Variants in STARD10 observed in about 807,000 individuals in gnomAD.
STARD10 encodes StAR related lipid transfer domain containing 10.
STARD10 carries 24 observed loss-of-function variants against 36.0 expected under a neutral mutation model. That is an observed-to-expected ratio of 0.67 (90% CI 0.48 to 0.94). STARD10 has a LOEUF of 0.94. Among genes scored for constraint, STARD10 ranks in the 40% least tolerant of loss-of-function variants. The pLI is 0.00. For missense variants in STARD10, 335 were observed against 396.6 expected (o/e 0.84, Z 1.32); for synonymous variants, 156 against 161.9 (o/e 0.96, Z 0.28).
intron 2 of STARD10, among the ~76,000 whole-genome samples, chr11:72,764,623 G>A (rs1236643765): frequency 6.6e-6 from 1 of 152,234 alleles, no homozygotes; most frequent in African/African-American, 2.4e-5. Context: ...CTAAGCAGAA[G>A]AAATTACACC....
Position 72,758,643 on chromosome 11 carries a change from G to A in STARD10, c.356-10C>T. The stretch of plus-strand genomic sequence containing the variant: ...GGCTTGGGACACCTCCCTGTGGGGG[G>A]CAAGGGACAGTTCAGCCAGACCACT... On this transcript the variant is annotated splice_polypyrimidine_tract_variant and intron_variant, in intron 3 of 6. Transcript: ENST00000334805. The A allele has an allele frequency of 6.2e-7, 1 of 1,602,604 alleles. No individual in the cohort carries two copies. The highest frequency in any genetic ancestry group is 8.5e-7 in the Non-Finnish European group (1 of 1,170,768).
Position 72,754,798 on chromosome 11 carries a change from T to C in STARD10, c.*99A>G, listed in dbSNP as rs1036528074. 7 of 1,493,654 alleles carry C rather than the reference T, an allele frequency of 4.7e-6. No individual in the cohort carries two copies. The highest frequency in any genetic ancestry group is 6.3e-6 in the Non-Finnish European group (7 of 1,113,614). The allele number at this position is 1,493,654 out of a possible 1,614,324, so 92.5% of individuals were successfully genotyped here. A position where few individuals can be genotyped will look rare whatever the true frequency, so the allele number is the denominator to read the frequency against. Reference sequence around the variant, plus strand: ...CAGCACCCGCCTGGGCCTGGCCCGGTGCCACCAGGTGCCGGGTGGGGGAGG... The same window carrying C: ...CAGCACCCGCCTGGGCCTGGCCCGGCGCCACCAGGTGCCGGGTGGGGGAGG... On this transcript the variant is annotated 3_prime_UTR_variant, in exon 7 of 7. Coordinates refer to ENST00000334805, the MANE Select transcript of STARD10 (RefSeq NM_006645.3).
At chr11:72,755,927 G>A (rs1054236663) in intron 5 of STARD10, 174 bp from the exon 6 acceptor site, 50 of 577,978 alleles carry the variant, frequency 8.7e-5, no homozygotes, top group Non-Finnish European at 1.4e-4. Flanking sequence ...ACCTCAGACC[G>A]AAGTCCTCAG....
chr11:72,772,551 C>T (rs1013176162), intron 2 of STARD10, among the ~76,000 whole-genome samples: 1 of 152,204 alleles, frequency 6.6e-6, no homozygotes, highest in Non-Finnish European at 1.5e-5. Context: ...TTACTTGGAC[C>T]CCTGTAGCCA....
intron 2 of STARD10, among the ~76,000 whole-genome samples, chr11:72,775,256 T>G (rs909244290): frequency 6.6e-6 from 1 of 152,202 alleles, no homozygotes; most frequent in Non-Finnish European, 1.5e-5. Flanking sequence ...ATTCCATCCC[T>G]TGCTCCATTC....
intron 2 of STARD10, among the ~76,000 whole-genome samples, chr11:72,773,647 C>T (rs1858893324): frequency 6.6e-6 from 1 of 152,210 alleles, no homozygotes; most frequent in South Asian, 2.1e-4. Context: ...GGAAACCCAG[C>T]ACCTGCCCCT....
At chr11:72,783,328 C>T (rs1859028910) in intron 1 of STARD10, among the ~76,000 whole-genome samples, 1 of 152,148 alleles carries the variant, frequency 6.6e-6, no homozygotes, top group African/African-American at 2.4e-5. Flanking sequence ...CTTAGATCTC[C>T]AGGCCTTCCA....
intron 1 of STARD10, among the ~76,000 whole-genome samples, chr11:72,788,007 G>A (rs1859096077): frequency 6.6e-6 from 1 of 152,180 alleles, no homozygotes; most frequent in Admixed American, 6.5e-5. Flanking sequence ...GGTTTGGGGG[G>A]GGCAGCCCCA....
At chr11:72,775,463 C>T (rs1858918518) in intron 2 of STARD10, among the ~76,000 whole-genome samples, 1 of 152,144 alleles carries the variant, frequency 6.6e-6, no homozygotes, top group African/African-American at 2.4e-5. Context: ...AACCACCTCC[C>T]ATTCTCCAAA....
At chr11:72,773,226 G>A (rs1858886846) in intron 2 of STARD10, among the ~76,000 whole-genome samples, 1 of 152,202 alleles carries the variant, frequency 6.6e-6, no homozygotes, top group Non-Finnish European at 1.5e-5. Flanking sequence ...AACAGAGATG[G>A]ATAGAAAACA....
chr11:72,757,780 C>G lies in STARD10; in HGVS notation c.564G>C (p.Gln188His), dbSNP rs1858663195. The change falls in exon 5 of 7, where the codon CAG becomes CAC. Residue 188 changes from glutamine (Q) to histidine (H), a missense_variant. By Grantham distance (24) the Gln-to-His change is conservative. Coordinates refer to ENST00000334805, the MANE Select transcript of STARD10 (RefSeq NM_006645.3). ...PKSCVITYLAQVDPKGSLPKW... is the reference protein window; with the variant it reads ...PKSCVITYLAHVDPKGSLPKW... ...CCAAGCCCTCACCTTTGGGGTCCAC[C>G]TGGGCCAGGTAGGTGATGACGCAGC... The G allele has an allele frequency of 6.2e-7, 1 of 1,613,976 alleles. No individual in the cohort carries two copies. Among genetic ancestry groups the G allele is most frequent in the Admixed American group, 1.7e-5 (1 of 60,012 alleles).
chr11:72,755,302 C>CATT, intron 6 of STARD10, 160 bp from the exon 7 acceptor site: 11 of 602,300 alleles, frequency 1.8e-5, no homozygotes, highest in Non-Finnish European at 2.6e-5. Flanking sequence ...CTCCATTCTC[C>CATT]ATTCTTTTTT....
chr11:72,755,789 G>T, intron 5 of STARD10, 36 bp from the exon 6 acceptor site: 1 of 1,581,854 alleles, frequency 6.3e-7, no homozygotes, highest in Non-Finnish European at 8.6e-7. Context: ...CAGCCTCAGG[G>T]ACCCAGCCCC....
intron 2 of STARD10, among the ~76,000 whole-genome samples, chr11:72,772,214 G>C (rs1858870021): frequency 1.3e-5 from 2 of 151,276 alleles, no homozygotes; most frequent in South Asian, 2.1e-4. Context: ...GCACAGCGCT[G>C]CCATAGCCAT....
chr11:72,762,405 T>G (rs1858729411), intron 2 of STARD10, among the ~76,000 whole-genome samples: 1 of 152,084 alleles, frequency 6.6e-6, no homozygotes, highest in South Asian at 2.1e-4. Context: ...TTGGCCCCAT[T>G]ATAGGATTAA....
intron 1 of STARD10, among the ~76,000 whole-genome samples, chr11:72,789,022 A>G (rs1859109922): frequency 6.6e-6 from 1 of 150,768 alleles, no homozygotes; most frequent in African/African-American, 2.4e-5. Flanking sequence ...CGCCCAGCTA[A>G]CTTTGTAATT....
intron 2 of STARD10, chr11:72,780,081 G>A: frequency 5.4e-6 from 2 of 367,590 alleles, no homozygotes; most frequent in Non-Finnish European, 1.1e-5. Flanking sequence ...CATTGCAAGG[G>A]GACCTACCAG....
At chr11:72,766,528 G>T (rs985211478) in intron 2 of STARD10, among the ~76,000 whole-genome samples, 12 of 152,328 alleles carry the variant, frequency 7.9e-5, no homozygotes, top group Non-Finnish European at 1.8e-4. Context: ...TCAGCAGGGG[G>T]ACGAGTGGTG....
chr11:72,780,322 T>C, intron 2 of STARD10: 1 of 396,818 alleles, frequency 2.5e-6, no homozygotes, highest in Non-Finnish European at 5.2e-6. Context: ...CTGCTCCCTA[T>C]GTTGGCTTCC....
Sources: gnomAD v4.1 joint callset for allele counts (sites outside exome capture counted in the v4.1 genomes callset) on GRCh38, gnomAD v4.1.1 for gene constraint, MANE v1.5 for transcripts, NCBI Gene and HGNC (gene_info 2026-07-23, HGNC 2026-07-21) for gene names.